CD247: variants seen among roughly 807,000 people sequenced by gnomAD.
The protein encoded by CD247 is CD247 molecule.
CD247 carries 13 observed loss-of-function variants against 30.0 expected under a neutral mutation model. The ratio of observed to expected loss-of-function variants is 0.43; its 90% CI spans 0.28 to 0.69. The LOEUF (loss-of-function observed/expected upper bound fraction) is 0.69. CD247 is among the 30% of genes least tolerant of loss of function. The pLI is 0.16. For synonymous variants in CD247, 72 were observed against 80.0 expected (o/e 0.90, Z 0.53); for missense variants, 193 against 212.6 (o/e 0.91, Z 0.57).
At chr1:167,517,308 G>A (rs536585611) in intron 1 of CD247, among the ~76,000 whole-genome samples, 3 of 152,338 alleles carry the variant, frequency 2.0e-5, no homozygotes, top group South Asian at 4.1e-4. Flanking sequence ...CTCCCAACAG[G>A]GCCCCTAAAC....
At chr1:167,452,490 C>G (rs1429957637) in intron 1 of CD247, among the ~76,000 whole-genome samples, 2 of 151,380 alleles carry the variant, frequency 1.3e-5, no homozygotes, top group African/African-American at 2.4e-5. Context: ...TGTAAAGACA[C>G]AGGGAGAGAT....
intron 1 of CD247, among the ~76,000 whole-genome samples, chr1:167,507,790 C>A (rs1020000190): frequency 6.6e-6 from 1 of 151,786 alleles, no homozygotes; most frequent in Non-Finnish European, 1.5e-5. Flanking sequence ...GAGCTGTGAT[C>A]ACACCCCTGC....
chr1:167,454,301 T>C lies in CD247; in HGVS notation c.59-13534A>G, dbSNP rs140562882. Among the ~76,000 whole-genome samples the C allele has an allele frequency of 3.1e-3, 468 of 152,270 alleles. 3 individuals carry two copies. Among genetic ancestry groups the C allele is most frequent in the African/African-American group, 0.011 (445 of 41,556 alleles). ...CAGAGGAGCCACGGGAGGGGGAGGC[T>C]GGGTGAATTTCACTTATTTTCCACC... On this transcript the variant is annotated intron_variant, in intron 1 of 7. Transcript: ENST00000362089.
rs921144407 is a variant in CD247, at chr1:167,492,587, C to G, written c.58+25821G>C. 2.0e-5 allele frequency among the ~76,000 whole-genome samples: 3 copies of G among 152,196 alleles called. 1 individual carries two copies. The highest frequency in any genetic ancestry group is 4.4e-5 in the Non-Finnish European group (3 of 68,038). ...GGAGGGGAATTTTCCTTTCTGGTCA[C>G]GTAGGCTGCTGTCTTCGGCTTCGAT... On this transcript the variant is annotated intron_variant, in intron 1 of 7. Coordinates refer to ENST00000362089, the MANE Select transcript of CD247 (RefSeq NM_198053.3).
At chr1:167,450,862 G>A (rs976791294) in intron 1 of CD247, among the ~76,000 whole-genome samples, 1 of 148,990 alleles carries the variant, frequency 6.7e-6, no homozygotes, top group Non-Finnish European at 1.5e-5. Flanking sequence ...GCAGTGAGCT[G>A]AGATCGAGCC....
At chr1:167,459,285 A>G (rs1652879466) in intron 1 of CD247, among the ~76,000 whole-genome samples, 1 of 151,112 alleles carries the variant, frequency 6.6e-6, no homozygotes, top group African/African-American at 2.4e-5. Context: ...AATGGGTCCA[A>G]TTGTTAATTT....
At chr1:167,507,567 C>T (rs1655197891) in intron 1 of CD247, among the ~76,000 whole-genome samples, 1 of 152,110 alleles carries the variant, frequency 6.6e-6, no homozygotes, top group Non-Finnish European at 1.5e-5. Flanking sequence ...AGCGTGGTGG[C>T]TTATTCCTGT....
At chr1:167,461,363 C>G (rs1219782439) in intron 1 of CD247, among the ~76,000 whole-genome samples, 1 of 152,192 alleles carries the variant, frequency 6.6e-6, no homozygotes, top group African/African-American at 2.4e-5. Flanking sequence ...TGATTCTAAA[C>G]CTAGATTTAT....
At position 167,470,759 on chromosome 1, in the gene CD247, C is replaced by T. The variant is rs146568131; in HGVS notation, c.59-29992G>A. ...GTATTGCTATGTATAATAATTTACTCAGCTATGCCCTTATTGTTAGAAATG... is the reference window on the plus strand; with the variant it reads ...GTATTGCTATGTATAATAATTTACTTAGCTATGCCCTTATTGTTAGAAATG... On this transcript the variant is annotated intron_variant, in intron 1 of 7. Coordinates refer to ENST00000362089, the MANE Select transcript of CD247 (RefSeq NM_198053.3). Among the ~76,000 whole-genome samples the T allele has an allele frequency of 4.0e-5, 6 of 151,804 alleles. No individual in the cohort carries two copies. The East Asian group carries it at 9.7e-4, about 24-fold the overall frequency.
rs1348923068 is a variant in CD247, at chr1:167,451,761, A to C, written c.59-10994T>G. Among the ~76,000 whole-genome samples, 3 of 152,236 alleles carry C rather than the reference A, an allele frequency of 2.0e-5. No individual in the cohort carries two copies. In the East Asian group the frequency reaches 5.8e-4, roughly 29 times the overall value. ...GTCTTGAAAGAGGTCACTAAGTTAA[A>C]ATGAGGTCATTAGTGGGGGCCCTGA... On this transcript the variant is annotated intron_variant, in intron 1 of 7. Transcript: ENST00000362089.
chr1:167,451,799 C>T lies in CD247; in HGVS notation c.59-11032G>A, dbSNP rs987717244. Among the ~76,000 whole-genome samples, 5 of 152,214 alleles carry T rather than the reference C, an allele frequency of 3.3e-5. 1 individual carries two copies. The highest frequency in any genetic ancestry group is 5.9e-5 in the Non-Finnish European group (4 of 68,042). On this transcript the variant is annotated intron_variant, in intron 1 of 7. Transcript: ENST00000362089. ...GTGGGGGCCCTGATCCAATATGACT[C>T]GTGTCCTTGTAAGAAGACAAGATTA...
intron 4 of CD247, among the ~76,000 whole-genome samples, chr1:167,436,190 C>T (rs1012845325): frequency 5.3e-5 from 8 of 152,224 alleles, no homozygotes; most frequent in Admixed American, 3.9e-4. Flanking sequence ...TGATACACCA[C>T]ATTAACAGAA....
intron 1 of CD247, among the ~76,000 whole-genome samples, chr1:167,495,478 T>C (rs540249023): frequency 6.6e-6 from 1 of 152,342 alleles, no homozygotes; most frequent in East Asian, 1.9e-4. Flanking sequence ...GCGCAACAGA[T>C]GTTTCTTGAA....
At chr1:167,513,458 T>C (rs1655479492) in intron 1 of CD247, among the ~76,000 whole-genome samples, 1 of 152,202 alleles carries the variant, frequency 6.6e-6, no homozygotes, top group Non-Finnish European at 1.5e-5. Context: ...ATATCTTTAC[T>C]AAAATATCTC....
At chr1:167,485,455 C>T (rs1654163666) in intron 1 of CD247, among the ~76,000 whole-genome samples, 1 of 152,098 alleles carries the variant, frequency 6.6e-6, no homozygotes, top group South Asian at 2.1e-4. Context: ...GGGAAGCTCC[C>T]ATCTTGGATT....
At chr1:167,465,040 T>C (rs2995091) in intron 1 of CD247, among the ~76,000 whole-genome samples, 41,139 of 152,186 alleles carry the variant, frequency 0.27, 6,735 homozygotes, top group Middle Eastern at 0.41. Context: ...TTGGTTTCAC[T>C]ATCTCTTGCT....
intron 4 of CD247, among the ~76,000 whole-genome samples, chr1:167,438,360 G>A (rs571374993): frequency 5.9e-5 from 9 of 152,284 alleles, no homozygotes; most frequent in Middle Eastern, 3.4e-3. Flanking sequence ...TGCCACGTCC[G>A]GGGGTGAGGC....
chr1:167,445,835 C>T (rs1368970430), intron 1 of CD247, among the ~76,000 whole-genome samples: 1 of 152,198 alleles, frequency 6.6e-6, no homozygotes, highest in African/African-American at 2.4e-5. Flanking sequence ...CCAGCAAATC[C>T]TGTTTCGGAG....
At chr1:167,491,567 C>CAAA (rs34384774) in intron 1 of CD247, among the ~76,000 whole-genome samples, 12 of 143,436 alleles carry the variant, frequency 8.4e-5, no homozygotes, top group African/African-American at 1.6e-4. Context: ...AACTCCATCT[C>CAAA]AAAAAAAAAA....
Sources: allele counts gnomAD v4.1 joint callset (sites outside exome capture counted in the v4.1 genomes callset), GRCh38; gene constraint gnomAD v4.1.1; transcripts MANE v1.5; gene names NCBI Gene and HGNC (gene_info 2026-07-23, HGNC 2026-07-21).